The following ALPK2 variants were observed in gnomAD, a reference collection of about 807,000 sequenced individuals.
The protein encoded by ALPK2 is alpha-protein kinase 2.
Under a neutral mutation model 163.1 loss-of-function variants are expected in ALPK2, and 127 were observed. That is an observed-to-expected ratio of 0.78 (90% CI 0.67 to 0.90). The LOEUF is 0.90. Ranked by LOEUF, ALPK2 falls within the 40% of genes least tolerant of loss-of-function variation. The pLI is 0.00. For missense variants in ALPK2, 2,360 were observed against 2,589.6 expected, an observed-to-expected ratio of 0.91 and a Z score of 1.92; for synonymous variants, 953 against 959.1, an observed-to-expected ratio of 0.99 and a Z score of 0.12.
chr18:58,517,003 C>T lies in ALPK2; in HGVS notation c.5845G>A (p.Gly1949Ser). Residue 1949 changes from glycine (G) to serine (S), a missense_variant, in exon 9 of 13, where the codon GGC becomes AGC. By Grantham distance (56) the Gly-to-Ser change is moderately conservative (BLOSUM62 0). Transcript: ENST00000361673. ...TGCACCTTAAGCACACAGGCATGGC[C>T]AGGTTTGAAGACAGGCATGAGGCCG... is the stretch of plus-strand genomic sequence containing the variant. ...MHGLMPVFKPGHACVLKVHNA... is the reference protein window; with the variant it reads ...MHGLMPVFKPSHACVLKVHNA... The T allele has an allele frequency of 6.2e-7, 1 of 1,614,168 alleles. No homozygotes were observed. Among genetic ancestry groups the T allele is most frequent in the Non-Finnish European group, 8.5e-7 (1 of 1,180,022 alleles).
Position 58,535,163 on chromosome 18 carries a change from T to C in ALPK2, c.5024A>G (p.Lys1675Arg), listed in dbSNP as rs754077617. Residue 1675 changes from lysine (K) to arginine (R), a missense_variant, in exon 5 of 13, where the codon AAG (lysine) becomes AGG (arginine). Coordinates refer to ENST00000361673, the MANE Select transcript of ALPK2 (RefSeq NM_052947.4). Reference sequence around the variant, plus strand: ...CTTTTTCGCACAGCCCAGGGTGCCCTTTTGACATGGATCCTGCAGTAATTT... The same window carrying C: ...CTTTTTCGCACAGCCCAGGGTGCCCCTTTGACATGGATCCTGCAGTAATTT... ...APKLLQDPCQ[K>R]GTLGCAKKSR... is the part of the protein sequence containing the mutation. 1.2e-6 allele frequency: 2 copies of C among 1,613,990 alleles called. No individual in the cohort carries two copies. The highest frequency in any genetic ancestry group is 1.7e-6 in the Non-Finnish European group (2 of 1,179,954).
chr18:58,598,271 G>A (rs1359197347), intron 3 of ALPK2, among the ~76,000 whole-genome samples: 1 of 152,284 alleles, frequency 6.6e-6, no homozygotes, highest in Non-Finnish European at 1.5e-5. Context: ...CCACTGAGGT[G>A]TAGCCTGGTG....
chr18:58,578,733 GACACACACAC>G (rs71173065), intron 4 of ALPK2, 71 bp downstream of exon 4: 4 of 530,142 alleles, frequency 7.5e-6, no homozygotes, highest in Non-Finnish European at 1.2e-5. Flanking sequence ...TAAAGGAAGA[GACACACACAC>G]ACACACACAC....
At chr18:58,548,994 T>G (rs1004661844) in intron 4 of ALPK2, among the ~76,000 whole-genome samples, 2 of 152,236 alleles carry the variant, frequency 1.3e-5, no homozygotes, top group Admixed American at 6.5e-5. Context: ...TGCTCCAGGC[T>G]CCTGCGTTTT....
chr18:58,565,731 G>GTTCCTTCCTTCCTTCC (rs74183271), intron 4 of ALPK2, among the ~76,000 whole-genome samples: 13 of 145,890 alleles, frequency 8.9e-5, no homozygotes, highest in African/African-American at 2.8e-4. Context: ...TCTCTTTTTT[G>GTTCCTTCCTTCCTTCC]TTCCTTCCTT....
chr18:58,608,158 G>A (rs2052108261), intron 2 of ALPK2, among the ~76,000 whole-genome samples: 1 of 152,188 alleles, frequency 6.6e-6, no homozygotes, highest in Non-Finnish European at 1.5e-5. Context: ...TACTTTAATA[G>A]TGCTCAAAGT....
chr18:58,519,070 C>G (rs2051536368), intron 8 of ALPK2, among the ~76,000 whole-genome samples: 1 of 152,064 alleles, frequency 6.6e-6, no homozygotes, highest in Admixed American at 6.6e-5. Flanking sequence ...GTAACCTGTC[C>G]TAGGTTTCTG....
At chr18:58,489,017 C>T (rs1375609377) in intron 12 of ALPK2, among the ~76,000 whole-genome samples, 2 of 152,154 alleles carry the variant, frequency 1.3e-5, no homozygotes, top group African/African-American at 4.8e-5. Flanking sequence ...AATTAATAAG[C>T]GGAGCGGCAC....
chr18:58,551,005 ATC>A (rs1042096068), intron 4 of ALPK2, among the ~76,000 whole-genome samples: 2 of 150,450 alleles, frequency 1.3e-5, no homozygotes, highest in African/African-American at 4.9e-5. Flanking sequence ...CCCCTTCCTC[ATC>A]TCTGTTGCAT....
intron 3 of ALPK2, among the ~76,000 whole-genome samples, chr18:58,581,893 C>T (rs1347096771): frequency 6.6e-6 from 1 of 152,136 alleles, no homozygotes; most frequent in Non-Finnish European, 1.5e-5. Flanking sequence ...GTGTGAGACA[C>T]AGATATAATA....
At chr18:58,591,992 A>G (rs968789182) in intron 3 of ALPK2, among the ~76,000 whole-genome samples, 1 of 152,236 alleles carries the variant, frequency 6.6e-6, no homozygotes, top group African/African-American at 2.4e-5. Flanking sequence ...CTCAGGTTCC[A>G]GTTCACTGGG....
intron 12 of ALPK2, among the ~76,000 whole-genome samples, chr18:58,486,414 G>A (rs1054023947): frequency 6.6e-6 from 1 of 152,194 alleles, no homozygotes; most frequent in Non-Finnish European, 1.5e-5. Context: ...ACCCCTCTCA[G>A]AGTTAGGGGT....
rs1439668215 is a variant in ALPK2, at chr18:58,537,069, A to C, written c.3118T>G (p.Phe1040Val). ...DKHAGGTEER[F>V]PRASHEKVSQ... ...ACCTTTTCATGGGATGCACGAGGGA[A>C]CCTCTCCTCAGTGCCACCTGCATGC... The change falls in exon 5 of 13, where the codon TTC becomes GTC. Residue 1040 changes from phenylalanine to valine, a missense_variant. Coordinates refer to ENST00000361673, the MANE Select transcript of ALPK2 (RefSeq NM_052947.4). 6.2e-7 allele frequency: 1 copy of C among 1,614,024 alleles called. No individual in the cohort carries two copies. Among genetic ancestry groups the C allele is most frequent in the Non-Finnish European group, 8.5e-7 (1 of 1,180,014 alleles).
chr18:58,517,199 C>G lies in ALPK2; in HGVS notation c.5666-17G>C. On this transcript the variant is annotated splice_polypyrimidine_tract_variant and intron_variant, in intron 8 of 12. Coordinates refer to ENST00000361673, the MANE Select transcript of ALPK2 (RefSeq NM_052947.4). ...CTTCACATCCTGAAACACAGCACAGCTTTGGTTGGAAAGAATACCTCCCAG... is the reference window on the plus strand; with the variant it reads ...CTTCACATCCTGAAACACAGCACAGGTTTGGTTGGAAAGAATACCTCCCAG... The G allele has an allele frequency of 6.2e-6, 10 of 1,608,166 alleles. No homozygotes were observed. Among genetic ancestry groups the G allele is most frequent in the Non-Finnish European group, 7.7e-6 (9 of 1,175,758 alleles).
At chr18:58,524,937 AACTT>A (rs958515291) in intron 6 of ALPK2, among the ~76,000 whole-genome samples, 2 of 148,034 alleles carry the variant, frequency 1.4e-5, no homozygotes, top group Non-Finnish European at 3.0e-5. Flanking sequence ...TCAAACAAAA[AACTT>A]ACTCTACAGC....
chr18:58,553,542 C>T (rs2051770281), intron 4 of ALPK2, among the ~76,000 whole-genome samples: 1 of 152,042 alleles, frequency 6.6e-6, no homozygotes, highest in Non-Finnish European at 1.5e-5. Context: ...AATTGTAATC[C>T]CTATAATCCC....
In ALPK2 at chr18:58,481,815, C is replaced by G. The variant is rs752722370; in HGVS notation, c.*8G>C. On this transcript the variant is annotated 3_prime_UTR_variant, in exon 13 of 13. Coordinates refer to ENST00000361673, the MANE Select transcript of ALPK2 (RefSeq NM_052947.4). ...GCTAGCCAGTGGCCATTAGGTTACCCAGGGACGTTAGGTTTTCTTTTCGCC... is the reference window on the plus strand; with the variant it reads ...GCTAGCCAGTGGCCATTAGGTTACCGAGGGACGTTAGGTTTTCTTTTCGCC... The G allele has an allele frequency of 6.2e-7, 1 of 1,611,482 alleles. No homozygotes were observed. The highest frequency in any genetic ancestry group is 2.2e-5 in the East Asian group (1 of 44,870).
At chr18:58,500,753 G>T (rs561341098) in intron 11 of ALPK2, among the ~76,000 whole-genome samples, 1 of 146,598 alleles carries the variant, frequency 6.8e-6, no homozygotes, top group South Asian at 2.2e-4. Flanking sequence ...GTGAAACCCC[G>T]TCTCTACTAA....
intron 12 of ALPK2, among the ~76,000 whole-genome samples, chr18:58,482,695 G>A (rs1439667673): frequency 6.6e-6 from 1 of 152,158 alleles, no homozygotes; most frequent in African/African-American, 2.4e-5. Context: ...AAGGCTCCAT[G>A]CTGACTCCTT....
Sources: gnomAD v4.1 joint callset for allele counts (sites outside exome capture counted in the v4.1 genomes callset) on GRCh38, gnomAD v4.1.1 for gene constraint, MANE v1.5 for transcripts, NCBI Gene and HGNC (gene_info 2026-07-23, HGNC 2026-07-21) for gene names.